Variants in BCAS3 observed in about 807,000 individuals in gnomAD.
BCAS3 encodes BCAS3 microtubule associated cell migration factor, also known as BCAS4/BCAS3 fusion.
A neutral mutation model predicts 116.1 loss-of-function variants in BCAS3; 53 were observed. That is an observed-to-expected ratio of 0.46 (90% confidence interval 0.37 to 0.57). The LOEUF (loss-of-function observed/expected upper bound fraction) is 0.57, where lower values mean the gene tolerates loss of function less well. BCAS3 is among the 20% of genes least tolerant of loss of function. BCAS3 has a pLI of 0.00. For synonymous variants in BCAS3, 391 were observed against 408.2 expected (o/e 0.96, Z 0.51); for missense variants, 917 against 1,165.4 (o/e 0.79, Z 3.10).
In BCAS3 at chr17:61,354,142, A is replaced by G. The variant is rs1365134199; in HGVS notation, c.2426-14185A>G. On this transcript the variant is annotated intron_variant, in intron 22 of 23. Transcript: ENST00000407086. This position sits in a 1 kb window ranked among gnomAD's most constrained non-coding sequence, Gnocchi z 4.5. ...TGAGACCTTCACAGAAGGTCGCACA[A>G]CCACCCTGGACGGTGAGAAACTAAG... 1 of 152,100 alleles carries G rather than the reference A, an allele frequency of 6.6e-6. No homozygotes were observed. The highest frequency in any genetic ancestry group is 1.5e-5 in the Non-Finnish European group (1 of 68,022). The allele number at this position is 152,100 out of a possible 1,614,324, so 9.4% of individuals were successfully genotyped here. A position where few individuals can be genotyped will look rare whatever the true frequency, so the allele number is the denominator to read the frequency against.
At chr17:61,321,875 C>T (rs2055240738) in intron 22 of BCAS3, among the ~76,000 whole-genome samples, 1 of 152,100 alleles carries the variant, frequency 6.6e-6, no homozygotes, top group Non-Finnish European at 1.5e-5. Flanking sequence ...TGAGCTTCAG[C>T]TTAGTTCCTT....
At chr17:61,071,292 CTAAT>C (rs1475291896) in intron 19 of BCAS3, among the ~76,000 whole-genome samples, 4 of 152,240 alleles carry the variant, frequency 2.6e-5, no homozygotes, top group African/African-American at 9.6e-5. Context: ...CAATAAGTAA[CTAAT>C]TATTTTCCTC....
chr17:61,247,985 T>C (rs1193406749), intron 22 of BCAS3, among the ~76,000 whole-genome samples: 1 of 152,248 alleles, frequency 6.6e-6, no homozygotes, highest in Non-Finnish European at 1.5e-5. Context: ...ATTGGAACTT[T>C]GTTCCTACCA....
rs560838780 is a variant in BCAS3, at chr17:61,140,327, T to C, written c.2425+55763T>C. ...TGCTTTGAATATATAGCAAAGGATA[T>C]GTGAGGGATAGCTGTGGAAGATCCA... On this transcript the variant is annotated intron_variant, in intron 22 of 23. Coordinates refer to ENST00000407086, the MANE Select transcript of BCAS3 (RefSeq NM_017679.5). The surrounding 1 kb of genome is among the most constrained non-coding windows in gnomAD (Gnocchi z 4.2). Among the ~76,000 whole-genome samples the C allele has an allele frequency of 4.0e-4, 61 of 152,208 alleles. No individual in the cohort carries two copies. Among genetic ancestry groups the C allele is most frequent in the African/African-American group, 1.4e-3 (59 of 41,534 alleles).
chr17:61,338,888 G>GAAAAAAA (rs57701817), intron 22 of BCAS3, among the ~76,000 whole-genome samples: 4 of 67,276 alleles, frequency 5.9e-5, no homozygotes, highest in Non-Finnish European at 1.3e-4. Context: ...CCCTTACTGG[G>GAAAAAAA]AAAAAAAAAA....
At chr17:61,308,039 G>C (rs1258439256) in intron 22 of BCAS3, among the ~76,000 whole-genome samples, 1 of 152,166 alleles carries the variant, frequency 6.6e-6, no homozygotes. Context: ...TTATCAGAGA[G>C]AGCTATATGT....
At chr17:61,375,267 C>T (rs1344753892) in intron 23 of BCAS3, among the ~76,000 whole-genome samples, 4 of 127,974 alleles carry the variant, frequency 3.1e-5, no homozygotes, top group South Asian at 2.5e-4. Flanking sequence ...CTAATAAAGT[C>T]TTTCATTTTA....
intron 6 of BCAS3, among the ~76,000 whole-genome samples, chr17:60,786,637 A>T (rs991730609): frequency 2.0e-5 from 3 of 152,040 alleles, no homozygotes; most frequent in Non-Finnish European, 2.9e-5. Flanking sequence ...TAAACATTTT[A>T]GTATGCTTAT....
At chr17:60,807,066 T>C (rs2048346050) in intron 6 of BCAS3, among the ~76,000 whole-genome samples, 1 of 152,140 alleles carries the variant, frequency 6.6e-6, no homozygotes, top group Non-Finnish European at 1.5e-5. Context: ...AGATGATCAT[T>C]ATTAGGTTAA....
At chr17:60,908,910 G>A (rs2058336747) in intron 11 of BCAS3, among the ~76,000 whole-genome samples, 1 of 152,078 alleles carries the variant, frequency 6.6e-6, no homozygotes, top group Non-Finnish European at 1.5e-5. Context: ...TTCATTAACT[G>A]TGAGATCACA....
At chr17:60,704,323 T>C (rs906083550) in intron 4 of BCAS3, among the ~76,000 whole-genome samples, 3 of 140,030 alleles carry the variant, frequency 2.1e-5, no homozygotes, top group African/African-American at 9.6e-5. Flanking sequence ...ATAGACTAAC[T>C]CTATTGTTTT....
rs572970493 is a variant in BCAS3 at position 61,007,412 on chromosome 17, G to A, written c.1487-8339G>A. On this transcript the variant is annotated intron_variant, in intron 15 of 23. Transcript: ENST00000407086. The surrounding 1 kb of genome is among the most constrained non-coding windows in gnomAD (Gnocchi z 4.3). The stretch of plus-strand genomic sequence containing the variant: ...GGCATCAAATTTCTAAATTTATTGG[G>A]TTTATTTTAGCTTTAAGAAAAGAAA... 6.6e-6 allele frequency among the ~76,000 whole-genome samples: 1 copy of A among 151,766 alleles called. No homozygotes were observed. Among genetic ancestry groups the A allele is most frequent in the South Asian group, 2.1e-4 (1 of 4,796 alleles).
intron 13 of BCAS3, among the ~76,000 whole-genome samples, chr17:60,942,316 A>T (rs1165449074): frequency 1.3e-5 from 2 of 152,058 alleles, no homozygotes; most frequent in Non-Finnish European, 2.9e-5. Flanking sequence ...GGTCCCAGCT[A>T]CTCGGGAGGC....
At chr17:60,726,412 C>T (rs1360108107) in intron 5 of BCAS3, among the ~76,000 whole-genome samples, 4 of 151,142 alleles carry the variant, frequency 2.6e-5, no homozygotes. Flanking sequence ...GTTGGTCAGG[C>T]TGGTCTCGAA....
Position 61,285,749 on chromosome 17 carries a change from A to G in BCAS3, c.2426-82578A>G, listed in dbSNP as rs189180562. Among the ~76,000 whole-genome samples, 85 of 152,316 alleles carry G rather than the reference A, an allele frequency of 5.6e-4. No homozygotes were observed. Among genetic ancestry groups the G allele is most frequent in the Admixed American group, 4.2e-3 (65 of 15,300 alleles). On this transcript the variant is annotated intron_variant, in intron 22 of 23. Coordinates refer to ENST00000407086, the MANE Select transcript of BCAS3 (RefSeq NM_017679.5). The surrounding 1 kb of genome is among the most constrained non-coding windows in gnomAD (Gnocchi z 5.4). ...GGCTTGTTTATCCAGGAGACAAGAG[A>G]CTAGGAGCTAGGAGCTGCGGATCTG...
chr17:60,790,790 T>G (rs1427616049), intron 6 of BCAS3, among the ~76,000 whole-genome samples: 1 of 147,986 alleles, frequency 6.8e-6, no homozygotes, highest in Non-Finnish European at 1.5e-5. Flanking sequence ...GTTGTCCAGG[T>G]TGGAGTGCAG....
Position 61,354,360 on chromosome 17 carries a change from A to T in BCAS3, c.2426-13967A>T, listed in dbSNP as rs1306245301. On this transcript the variant is annotated intron_variant, in intron 22 of 23. Transcript: ENST00000407086. This position sits in a 1 kb window ranked among gnomAD's most constrained non-coding sequence, Gnocchi z 4.5. ...ATTTTCATGAGAGACTTCCTGTTCC[A>T]GTGGACTCTTCCACCGCCCTTGAGT... 3 of 152,214 alleles carry T rather than the reference A, an allele frequency of 2.0e-5. No individual in the cohort carries two copies. The highest frequency in any genetic ancestry group is 2.9e-5 in the Non-Finnish European group (2 of 68,034). The allele number at this position is 152,214 out of a possible 1,614,324, so 9.4% of individuals were successfully genotyped here. A position where few individuals can be genotyped will look rare whatever the true frequency, so the allele number is the denominator to read the frequency against.
At chr17:61,375,246 G>GTGTGTGTGTGCGTGCGCGCACA (rs150061118) in intron 23 of BCAS3, among the ~76,000 whole-genome samples, 1 of 150,666 alleles carries the variant, frequency 6.6e-6, no homozygotes, top group African/African-American at 2.5e-5. Flanking sequence ...GTGTGTGTGT[G>GTGTGTGTGTGCGTGCGCGCACA]TGTGTGTGTA....
rs946178929 is a variant in BCAS3 at position 61,344,456 on chromosome 17, C to T, written c.2426-23871C>T. 2.0e-5 allele frequency among the ~76,000 whole-genome samples: 3 copies of T among 152,102 alleles called. No individual in the cohort carries two copies. The highest frequency in any genetic ancestry group is 2.9e-5 in the Non-Finnish European group (2 of 68,038). On this transcript the variant is annotated intron_variant, in intron 22 of 23. Coordinates refer to ENST00000407086, the MANE Select transcript of BCAS3 (RefSeq NM_017679.5). The surrounding 1 kb of genome is among the most constrained non-coding windows in gnomAD (Gnocchi z 4.1). Reference sequence around the variant, plus strand: ...CATTTAAGTCCTTGATTCTCTGAGACCACTATAGAGACTTTAAAGAAGGTG... The same window carrying T: ...CATTTAAGTCCTTGATTCTCTGAGATCACTATAGAGACTTTAAAGAAGGTG...
Sources: gnomAD v4.1 joint callset for allele counts (sites outside exome capture counted in the v4.1 genomes callset) on GRCh38, gnomAD v4.1.1 for gene constraint, Gnocchi (gnomAD v3.1) non-coding constraint, MANE v1.5 for transcripts, NCBI Gene and HGNC (gene_info 2026-07-23, HGNC 2026-07-21) for gene names.